The following ABCA13 variants were observed in gnomAD, a reference collection of about 807,000 sequenced individuals.
ABCA13 encodes ATP binding cassette subfamily A member 13, also known as ATP-binding cassette sub-family A member 13.
A neutral mutation model predicts 478.7 loss-of-function variants in ABCA13; 476 were observed. That is an observed-to-expected ratio of 0.99 (90% CI 0.92 to 1.07). ABCA13 has a LOEUF of 1.07. Ranked by LOEUF, ABCA13 falls within the 50% of genes least tolerant of loss-of-function variation. The pLI, the probability that ABCA13 is intolerant of heterozygous loss-of-function variation, is 0.00. For synonymous variants in ABCA13, 2,252 were observed against 2,158.9 expected, an observed-to-expected ratio of 1.04 and a Z score of -1.20; for missense variants, 6,060 against 5,910.6, an observed-to-expected ratio of 1.03 and a Z score of -0.83.
chr7:48,636,201 A>G (rs6970628), intron 59 of ABCA13, among the ~76,000 whole-genome samples: 2,390 of 152,296 alleles, frequency 0.016, 53 homozygotes, highest in African/African-American at 0.053. Context: ...AATGATTAAA[A>G]GGCAAGCACC....
At chr7:48,566,427 C>T (rs1382406760) in intron 55 of ABCA13, among the ~76,000 whole-genome samples, 2 of 152,176 alleles carry the variant, frequency 1.3e-5, no homozygotes, top group South Asian at 2.1e-4. Context: ...GCATGGAAAC[C>T]GTAAAATGGA....
intron 45 of ABCA13, among the ~76,000 whole-genome samples, chr7:48,477,813 T>C (rs900838435): frequency 2.6e-5 from 4 of 151,392 alleles, no homozygotes; most frequent in Non-Finnish European, 5.9e-5. Flanking sequence ...ATGGGTGCAG[T>C]ACACCAACAT....
Position 48,314,242 on chromosome 7 carries a change from A to G in ABCA13, c.9692A>G (p.Asn3231Ser), listed in dbSNP as rs948989621. ...ETLDFQQVSQ[N>S]VQARSSAFGS... ...TTCTTATTTTCTCAGGTTTCACAAA[A>G]TGTCCAGGCCAGAAGTTCAGCTTTT... The change falls in exon 26 of 62, where the codon AAT (asparagine) becomes AGT (serine). Residue 3231 changes from asparagine (N) to serine (S), a missense_variant. Asn to Ser is a conservative substitution (Grantham distance 46). Around this residue, in one of 3 missense-constraint regions of ABCA13, gnomAD observed 4,423 missense variants for 4,309.1 expected, o/e 1.03. Transcript: ENST00000435803. The G allele has an allele frequency of 6.2e-7, 1 of 1,607,960 alleles. No individual in the cohort carries two copies. Among genetic ancestry groups the G allele is most frequent in the Non-Finnish European group, 8.5e-7 (1 of 1,178,698 alleles).
chr7:48,313,978 TG>T, intron 25 of ABCA13, among the ~76,000 whole-genome samples: 1 of 94,488 alleles, frequency 1.1e-5, no homozygotes, highest in South Asian at 3.0e-4. Context: ...TATGTGTGTG[TG>T]TGTATGTGTG....
chr7:48,574,404 G>A (rs188879956), intron 55 of ABCA13, among the ~76,000 whole-genome samples: 32 of 152,244 alleles, frequency 2.1e-4, no homozygotes, highest in Admixed American at 2.0e-3. Context: ...CTGAATGTCT[G>A]CTTAATGACA....
intron 58 of ABCA13, among the ~76,000 whole-genome samples, chr7:48,613,802 G>A (rs972284379): frequency 3.4e-5 from 5 of 148,492 alleles, no homozygotes; most frequent in Non-Finnish European, 7.5e-5. Flanking sequence ...TCATGGGAGT[G>A]ATAAATGTAA....
intron 41 of ABCA13, among the ~76,000 whole-genome samples, chr7:48,416,830 C>G (rs1163523390): frequency 6.6e-6 from 1 of 152,108 alleles, no homozygotes; most frequent in Non-Finnish European, 1.5e-5. Flanking sequence ...GCCCCTTCCC[C>G]ACTCTCTTCC....
rs117856535 is a variant in ABCA13 at position 48,330,901 on chromosome 7, G to C, written c.10000-4521G>C. Among the ~76,000 whole-genome samples, 3 of 152,300 alleles carry C rather than the reference G, an allele frequency of 2.0e-5. No homozygotes were observed. In the East Asian group the frequency reaches 5.8e-4, roughly 29 times the overall value. ...GCATTGAGGGGAATCGGGGGATGCT[G>C]TATCCGTGGGTTTTTCCCTTCCTGA... is the stretch of plus-strand genomic sequence containing the variant. On this transcript the variant is annotated intron_variant, in intron 27 of 61. Transcript: ENST00000435803.
chr7:48,574,314 G>A (rs1185888516), intron 55 of ABCA13, among the ~76,000 whole-genome samples: 1 of 152,100 alleles, frequency 6.6e-6, no homozygotes, highest in Non-Finnish European at 1.5e-5. Context: ...TAAAGGGCTT[G>A]TCTATTTTTA....
chr7:48,552,014 A>C (rs1332585419), intron 55 of ABCA13, among the ~76,000 whole-genome samples: 1 of 151,800 alleles, frequency 6.6e-6, no homozygotes, highest in African/African-American at 2.4e-5. Context: ...AGAAAACAAA[A>C]CCCATTAAAC....
At chr7:48,474,721 T>C (rs780435332) in intron 45 of ABCA13, among the ~76,000 whole-genome samples, 3 of 152,152 alleles carry the variant, frequency 2.0e-5, no homozygotes, top group East Asian at 3.9e-4. Flanking sequence ...TTTTGGGGGA[T>C]TGTTTTCTAT....
At chr7:48,204,822 G>A (rs968310727) in intron 3 of ABCA13, among the ~76,000 whole-genome samples, 2 of 152,168 alleles carry the variant, frequency 1.3e-5, no homozygotes, top group Non-Finnish European at 2.9e-5. Context: ...AGACAACTCC[G>A]GATGGGTCTG....
chr7:48,614,816 A>G (rs1245005703), intron 58 of ABCA13, among the ~76,000 whole-genome samples: 3 of 144,254 alleles, frequency 2.1e-5, no homozygotes, highest in African/African-American at 7.6e-5. Flanking sequence ...GTTCTCACTC[A>G]TAGGTGGGAA....
chr7:48,405,306 TG>T (rs938641702), intron 39 of ABCA13, among the ~76,000 whole-genome samples: 4 of 152,292 alleles, frequency 2.6e-5, no homozygotes, highest in Admixed American at 1.3e-4. Context: ...AATGCCAAGG[TG>T]GGGAGGCAGG....
intron 59 of ABCA13, among the ~76,000 whole-genome samples, chr7:48,642,895 C>T (rs906300526): frequency 6.6e-6 from 1 of 152,140 alleles, no homozygotes; most frequent in Admixed American, 6.5e-5. Context: ...TTTTCCCAGC[C>T]AAATTTTAAT....
chr7:48,630,004 AT>A (rs1794032462), intron 59 of ABCA13, among the ~76,000 whole-genome samples: 1 of 152,006 alleles, frequency 6.6e-6, no homozygotes, highest in South Asian at 2.1e-4. Context: ...ATTATTATCT[AT>A]TTCTTGGTCT....
In ABCA13 at chr7:48,486,594, C is replaced by T. The variant is rs1260663738; in HGVS notation, c.13183-2642C>T. ...CGCCAACTATTTTCGGTTTTTGGTACAGTAACACCCCATTCCAGTGTAAAT... is the reference window on the plus strand; with the variant it reads ...CGCCAACTATTTTCGGTTTTTGGTATAGTAACACCCCATTCCAGTGTAAAT... On this transcript the variant is annotated intron_variant, in intron 47 of 61. Coordinates refer to ENST00000435803, the MANE Select transcript of ABCA13 (RefSeq NM_152701.5). Among the ~76,000 whole-genome samples, 3 of 152,162 alleles carry T rather than the reference C, an allele frequency of 2.0e-5. No homozygotes were observed. The East Asian group carries it at 5.8e-4, about 29-fold the overall frequency.
intron 3 of ABCA13, among the ~76,000 whole-genome samples, chr7:48,212,097 G>C (rs866023059): frequency 1.2e-4 from 18 of 152,150 alleles, no homozygotes; most frequent in African/African-American, 4.1e-4. Context: ...CCTGTAGTGA[G>C]GCCAGCCAGG....
chr7:48,240,924 C>T lies in ABCA13; in HGVS notation c.1120C>T (p.His374Tyr). Residue 374 changes from histidine to tyrosine, a missense_variant, in exon 10 of 62, where the codon CAT (histidine) becomes TAT (tyrosine). His to Tyr is a moderately conservative substitution (Grantham distance 83). Coordinates refer to ENST00000435803, the MANE Select transcript of ABCA13 (RefSeq NM_152701.5). ...LLQKTLTGMG[H>Y]SLEALRNQFE... ...TCAGAAGACACTCACAGGCATGGGC[C>T]ATAGTCTGGAGGCTCTCAGGAATCA... 6.2e-7 allele frequency: 1 copy of T among 1,612,284 alleles called. No homozygotes were observed. Among genetic ancestry groups the T allele is most frequent in the Non-Finnish European group, 8.5e-7 (1 of 1,178,864 alleles).
Sources: allele counts gnomAD v4.1 joint callset (sites outside exome capture counted in the v4.1 genomes callset), GRCh38; gene constraint gnomAD v4.1.1; regional missense constraint gnomAD v4.1.1; transcripts MANE v1.5; gene names NCBI Gene and HGNC (gene_info 2026-07-23, HGNC 2026-07-21).